The following ATP1B2 variants were observed in gnomAD, a reference collection of about 807,000 sequenced individuals.
The protein encoded by ATP1B2 is ATPase Na+/K+ transporting subunit beta 2.
In ATP1B2, 12 loss-of-function variants were observed where a neutral mutation model predicts 37.3. The ratio of observed to expected loss-of-function variants is 0.32; its 90% CI spans 0.21 to 0.52. The LOEUF (loss-of-function observed/expected upper bound fraction) is 0.52, where lower values mean the gene tolerates loss of function less well. Among genes scored for constraint, ATP1B2 ranks in the 20% least tolerant of loss-of-function variants. The pLI is 0.96. For missense variants in ATP1B2, 324 were observed against 391.6 expected, an observed-to-expected ratio of 0.83 and a Z score of 1.46; for synonymous variants, 139 against 140.5, an observed-to-expected ratio of 0.99 and a Z score of 0.07.
chr17:7,647,602 C>T (rs2072582650), upstream of ATP1B2, among the ~76,000 whole-genome samples: 1 of 152,070 alleles, frequency 6.6e-6, no homozygotes, highest in Non-Finnish European at 1.5e-5. Flanking sequence ...GGGCGGATCA[C>T]GAGGTCAGGA....
rs1230008982 is a variant in ATP1B2 at position 7,654,403 on chromosome 17, T to C, written c.552+146T>C. ...TGAGAGAAAAAGAGAGGTGGGACTC[T>C]TGGAGGCTAAGCTCTGCAGTTAGAA... On this transcript the variant is annotated intron_variant, in intron 4 of 6. Coordinates refer to ENST00000250111, the MANE Select transcript of ATP1B2 (RefSeq NM_001678.5). The surrounding 1 kb of genome is among the most constrained non-coding windows in gnomAD (Gnocchi z 4.9). 12 of 1,123,248 alleles carry C rather than the reference T, an allele frequency of 1.1e-5. No individual in the cohort carries two copies. The highest frequency in any genetic ancestry group is 1.5e-5 in the Non-Finnish European group (12 of 778,422). 69.6% of individuals were successfully genotyped at this position (1,123,248 alleles called of 1,614,324 possible).
upstream of ATP1B2, among the ~76,000 whole-genome samples, chr17:7,647,852 T>C (rs184620607): frequency 1.1e-3 from 170 of 149,602 alleles, 2 homozygotes; most frequent in Middle Eastern, 7.4e-3. Context: ...AAACATTAAA[T>C]AGCAAAGAAA....
At chr17:7,648,782 G>C (rs1223095135), upstream of ATP1B2, among the ~76,000 whole-genome samples, 1 of 151,988 alleles carries the variant, frequency 6.6e-6, no homozygotes, top group African/African-American at 2.4e-5. Context: ...TCAGCTGAAA[G>C]TTCTTCAGTG....
rs1442561264 is a variant in ATP1B2, at chr17:7,656,485, T to C, written c.*590T>C. 1.3e-5 allele frequency: 2 copies of C among 155,242 alleles called. No homozygotes were observed. Among genetic ancestry groups the C allele is most frequent in the African/African-American group, 4.8e-5 (2 of 41,444 alleles). 9.6% of individuals were successfully genotyped at this position (155,242 alleles called of 1,614,324 possible). On this transcript the variant is annotated 3_prime_UTR_variant, in exon 7 of 7. Transcript: ENST00000250111. Reference sequence around the variant, plus strand: ...TCCATCCCTATTCCCTCCTCTGAAATGCACCCCTTTGTAATTGAGGACAAG... The same window carrying C: ...TCCATCCCTATTCCCTCCTCTGAAACGCACCCCTTTGTAATTGAGGACAAG...
Position 7,655,922 on chromosome 17 carries a change from T to A in ATP1B2, c.*27T>A. On this transcript the variant is annotated 3_prime_UTR_variant, in exon 7 of 7. Transcript: ENST00000250111. The surrounding 1 kb of genome is among the most constrained non-coding windows in gnomAD (Gnocchi z 4.4). ...GCCCCTTCCTCCCACCCCATCTCTCTCCTGTGGATGCTCCTGGAATGTCCC... is the reference window on the plus strand; with the variant it reads ...GCCCCTTCCTCCCACCCCATCTCTCACCTGTGGATGCTCCTGGAATGTCCC... 1.2e-6 allele frequency: 2 copies of A among 1,612,076 alleles called. No individual in the cohort carries two copies. The highest frequency in any genetic ancestry group is 1.7e-6 in the Non-Finnish European group (2 of 1,178,990).
chr17:7,654,927 G>A lies in ATP1B2; in HGVS notation c.609+243G>A, dbSNP rs904184765. 5 of 511,134 alleles carry A rather than the reference G, an allele frequency of 9.8e-6. No individual in the cohort carries two copies. Among genetic ancestry groups the A allele is most frequent in the African/African-American group, 1.9e-5 (1 of 51,796 alleles). The allele number at this position is 511,134 out of a possible 1,614,324, so 31.7% of individuals were successfully genotyped here. On this transcript the variant is annotated intron_variant, in intron 5 of 6. Transcript: ENST00000250111. This position sits in a 1 kb window ranked among gnomAD's most constrained non-coding sequence, Gnocchi z 4.9. ...CTGCTCTCCTAGGGGCCAGACACAC[G>A]CCCTCCTCCACCAACGCCCTGGCCT...
chr17:7,647,828 A>AG (rs2072583932), upstream of ATP1B2, among the ~76,000 whole-genome samples: 1 of 150,402 alleles, frequency 6.6e-6, no homozygotes, highest in Non-Finnish European at 1.5e-5. Flanking sequence ...CAAAAAAAGA[A>AG]AAAAAAAACA....
Position 7,655,831 on chromosome 17 carries a change from C to T in ATP1B2, c.809C>T (p.Thr270Ile), listed in dbSNP as rs745426143. The T allele has an allele frequency of 1.9e-6, 3 of 1,614,150 alleles. No individual in the cohort carries two copies. The highest frequency in any genetic ancestry group is 2.5e-6 in the Non-Finnish European group (3 of 1,180,030). Residue 270 changes from threonine to isoleucine, a missense_variant, in exon 7 of 7, where the codon ACA becomes ATA. Physicochemically the swap from Thr to Ile is moderately conservative, Grantham distance 89. Coordinates refer to ENST00000250111, the MANE Select transcript of ATP1B2 (RefSeq NM_001678.5). This position sits in a 1 kb window ranked among gnomAD's most constrained non-coding sequence, Gnocchi z 4.4. ...ECRINAANIA[T>I]DDERDKFAGR... ...CGCATCAACGCCGCCAACATCGCCA[C>T]AGACGATGAGCGAGACAAGTTCGCC...
Position 7,656,247 on chromosome 17 carries a change from C to T in ATP1B2, c.*352C>T. ...TATAGGAAGTGCCCACTGACCCACC[C>T]ACCCACCTACACCCCCCGCCACACA... On this transcript the variant is annotated 3_prime_UTR_variant, in exon 7 of 7. Coordinates refer to ENST00000250111, the MANE Select transcript of ATP1B2 (RefSeq NM_001678.5). 1 of 278,410 alleles carries T rather than the reference C, an allele frequency of 3.6e-6. No individual in the cohort carries two copies. The highest frequency in any genetic ancestry group is 6.9e-6 in the Non-Finnish European group (1 of 144,886). 17.2% of individuals were successfully genotyped at this position (278,410 alleles called of 1,614,324 possible). A position where few individuals can be genotyped will look rare whatever the true frequency, so the allele number is the denominator to read the frequency against.
rs773864970 is a variant in ATP1B2 at position 7,655,780 on chromosome 17, C to G, written c.758C>G (p.Pro253Arg). 4 of 1,614,102 alleles carry G rather than the reference C, an allele frequency of 2.5e-6. No homozygotes were observed. Among genetic ancestry groups the G allele is most frequent in the South Asian group, 1.1e-5 (1 of 91,084 alleles). ...GCTGTGAAGTTCCTGAATGTGACCC[C>G]CAACGTGGAGGTGAATGTAGAATGT... Reference protein sequence around the residue: ...LVAVKFLNVTPNVEVNVECRI... With the variant: ...LVAVKFLNVTRNVEVNVECRI... Residue 253 changes from proline to arginine, a missense_variant, in exon 7 of 7, where the codon CCC becomes CGC. Transcript: ENST00000250111. This position sits in a 1 kb window ranked among gnomAD's most constrained non-coding sequence, Gnocchi z 4.4.
At chr17:7,649,952 A>C (rs2072599408), upstream of ATP1B2, among the ~76,000 whole-genome samples, 2 of 152,156 alleles carry the variant, frequency 1.3e-5, no homozygotes, top group African/African-American at 4.8e-5. Context: ...TCGGCCTCCC[A>C]AAATGCTGGG....
At position 7,654,516 on chromosome 17, in the gene ATP1B2, C is replaced by G. The variant is rs1642764; in HGVS notation, c.553-112C>G. On this transcript the variant is annotated intron_variant, in intron 4 of 6. Transcript: ENST00000250111. The surrounding 1 kb of genome is among the most constrained non-coding windows in gnomAD (Gnocchi z 4.9). ...AACTCCTGGAATTAAGCTATCCTCCCGCCTCAACCTCCCTAGTAGTTGGGA... is the reference window on the plus strand; with the variant it reads ...AACTCCTGGAATTAAGCTATCCTCCGGCCTCAACCTCCCTAGTAGTTGGGA... The G allele has an allele frequency of 8.3e-7, 1 of 1,202,392 alleles. No homozygotes were observed. The highest frequency in any genetic ancestry group is 1.2e-6 in the Non-Finnish European group (1 of 813,400). 74.5% of individuals were successfully genotyped at this position (1,202,392 alleles called of 1,614,324 possible).
rs1319502641 is a variant in ATP1B2 at position 7,657,015 on chromosome 17, T to C, written c.*1120T>C. 6.6e-6 allele frequency: 1 copy of C among 152,114 alleles called. No homozygotes were observed. The highest frequency in any genetic ancestry group is 6.6e-5 in the Admixed American group (1 of 15,240). The allele number at this position is 152,114 out of a possible 1,614,324, so 9.4% of individuals were successfully genotyped here. A position where few individuals can be genotyped will look rare whatever the true frequency, so the allele number is the denominator to read the frequency against. ...TTCCTAGGCCGTTCTGTCACCCAAA[T>C]AGCTGCTACCCAGAGGGGCGGGGTT... is the stretch of plus-strand genomic sequence containing the variant. On this transcript the variant is annotated 3_prime_UTR_variant, in exon 7 of 7. Coordinates refer to ENST00000250111, the MANE Select transcript of ATP1B2 (RefSeq NM_001678.5).
At position 7,654,665 on chromosome 17, in the gene ATP1B2, A is replaced by G; in HGVS notation, c.590A>G (p.Asn197Ser). 1 of 1,614,104 alleles carries G rather than the reference A, an allele frequency of 6.2e-7. No individual in the cohort carries two copies. Among genetic ancestry groups the G allele is most frequent in the African/African-American group, 1.3e-5 (1 of 75,006 alleles). Reference protein sequence around the residue: ...NFYAGANQSMNVTCAGKRDED... With the variant: ...NFYAGANQSMSVTCAGKRDED... The stretch of plus-strand genomic sequence containing the variant: ...TATGCAGGAGCAAACCAGAGCATGA[A>G]TGTTACCTGTGCTGGGAAGGTGAGT... The change falls in exon 5 of 7, where the codon AAT becomes AGT. Residue 197 changes from asparagine (N) to serine (S), a missense_variant. Transcript: ENST00000250111. The surrounding 1 kb of genome is among the most constrained non-coding windows in gnomAD (Gnocchi z 4.9).
At chr17:7,649,383 AT>A (rs921511791), upstream of ATP1B2, among the ~76,000 whole-genome samples, 16 of 148,272 alleles carry the variant, frequency 1.1e-4, no homozygotes, top group East Asian at 1.0e-3. Context: ...CGAGATAATG[AT>A]TTTTTTTTTC....
rs1427035894 is a variant in ATP1B2 at position 7,653,620 on chromosome 17, T to C, written c.241+118T>C. ...TTTTGATGACCCAATCCCCACGTGC[T>C]TGGAAGTTCTTGAAATCTGTCCACC... On this transcript the variant is annotated intron_variant, in intron 2 of 6. Transcript: ENST00000250111. The C allele has an allele frequency of 2.9e-5, 42 of 1,469,408 alleles. No individual in the cohort carries two copies. The East Asian group carries it at 9.6e-4, about 34-fold the overall frequency. 91.0% of individuals were successfully genotyped at this position (1,469,408 alleles called of 1,614,324 possible).
rs774843753 is a variant in ATP1B2, at chr17:7,655,008, C to G, written c.609+324C>G. ...TCCTTCATTCCCAGATTGTCCGTAT[C>G]GTTCGCTCTCCCTCCCATATGGCCC... On this transcript the variant is annotated intron_variant, in intron 5 of 6. Transcript: ENST00000250111. This position sits in a 1 kb window ranked among gnomAD's most constrained non-coding sequence, Gnocchi z 4.4. Among the ~76,000 whole-genome samples, 3 of 152,094 alleles carry G rather than the reference C, an allele frequency of 2.0e-5. No homozygotes were observed. The highest frequency in any genetic ancestry group is 3.9e-4 in the East Asian group (2 of 5,186).
chr17:7,654,128 A>T lies in ATP1B2; in HGVS notation c.423A>T (p.Gly141=), dbSNP rs773014135. Residue 141 remains glycine, a synonymous_variant, in exon 4 of 7, where the codon GGA becomes GGT. Coordinates refer to ENST00000250111, the MANE Select transcript of ATP1B2 (RefSeq NM_001678.5). This position sits in a 1 kb window ranked among gnomAD's most constrained non-coding sequence, Gnocchi z 4.9. ...GCTATTACGAACAGCCAGATAATGG[A>T]GTCCTCAACTACCCCAAACGTGCCT... ...PGRYYEQPDN[G]VLNYPKRACQ... is the part of the protein sequence containing the mutation. The T allele has an allele frequency of 6.2e-7, 1 of 1,614,204 alleles. No homozygotes were observed. Among genetic ancestry groups the T allele is most frequent in the South Asian group, 1.1e-5 (1 of 91,088 alleles).
At chr17:7,651,751 C>G (rs147089330) in intron 1 of ATP1B2, 121 bp downstream of exon 1, 8 of 865,668 alleles carry the variant, frequency 9.2e-6, no homozygotes, top group Non-Finnish European at 1.3e-5. Context: ...GCCTCCCTGC[C>G]GGGCTCTGGG....
Sources: gnomAD v4.1 joint callset for allele counts (sites outside exome capture counted in the v4.1 genomes callset) on GRCh38, gnomAD v4.1.1 for gene constraint, Gnocchi (gnomAD v3.1) non-coding constraint, MANE v1.5 for transcripts, NCBI Gene and HGNC (gene_info 2026-07-23, HGNC 2026-07-21) for gene names.